Variants in ATP10B observed in about 807,000 individuals in gnomAD.
The protein encoded by ATP10B is ATPase phospholipid transporting 10B (putative), also known as phospholipid-transporting ATPase VB.
In ATP10B, 122 loss-of-function variants were observed where a neutral mutation model predicts 141.2. The ratio of observed to expected loss-of-function variants is 0.86; its 90% CI spans 0.75 to 1.00. The LOEUF (loss-of-function observed/expected upper bound fraction) is 1.00, where lower values mean the gene tolerates loss of function less well. Among genes scored for constraint, ATP10B ranks in the 50% least tolerant of loss-of-function variants. The pLI is 0.00. For missense variants in ATP10B, 1,876 were observed against 1,825.3 expected (o/e 1.03, Z -0.51); for synonymous variants, 685 against 692.0 (o/e 0.99, Z 0.16).
chr5:160,914,562 A>C, the ATP10B span, among the ~76,000 whole-genome samples: 92 of 152,198 alleles, frequency 6.0e-4, no homozygotes, highest in African/African-American at 2.1e-3. Flanking sequence ...TTTTTGTATT[A>C]TTTGTATTGC....
rs376008088 is a variant in ATP10B at position 160,565,524 on chromosome 5, C to T, written c.4315G>A (p.Gly1439Arg). The part of the protein sequence containing the change: ...GPNRIMAYSR[G>R]QTDMCRCSKR... ...GAGCACCGGCACATATCAGTCTGTC[C>T]TCTTGAGTAGGCCATTATCCTGTTA... Residue 1439 changes from glycine to arginine, a missense_variant, in exon 26 of 26, where the codon GGA becomes AGA. Transcript: ENST00000327245. 4 of 1,613,970 alleles carry T rather than the reference C, an allele frequency of 2.5e-6. No individual in the cohort carries two copies. Among genetic ancestry groups the T allele is most frequent in the Non-Finnish European group, 3.4e-6 (4 of 1,179,982 alleles).
At chr5:160,729,492 T>C (rs1224174837) in intron 2 of ATP10B, among the ~76,000 whole-genome samples, 1 of 151,954 alleles carries the variant, frequency 6.6e-6, no homozygotes, top group Non-Finnish European at 1.5e-5. Flanking sequence ...TGTAATGGGG[T>C]AGGGAATTGA....
intron 7 of ATP10B, among the ~76,000 whole-genome samples, chr5:160,662,720 C>T (rs1253841974): frequency 6.6e-6 from 1 of 152,184 alleles, no homozygotes; most frequent in Non-Finnish European, 1.5e-5. Context: ...CATTACCATT[C>T]AGGACATAGG....
At chr5:160,612,128 C>A (rs972484661) in intron 18 of ATP10B, 1 of 152,196 alleles carries the variant, frequency 6.6e-6, no homozygotes, top group African/African-American at 2.4e-5. Context: ...TTGCTTCATT[C>A]TTTCTCTTTC....
chr5:160,666,813 T>C (rs939089246), intron 7 of ATP10B, among the ~76,000 whole-genome samples: 9 of 152,134 alleles, frequency 5.9e-5, no homozygotes, highest in African/African-American at 1.7e-4. Context: ...CCTCTATCTC[T>C]ATGTGGAAAG....
chr5:160,653,565 TTACATA>T (rs1240999864), intron 7 of ATP10B, among the ~76,000 whole-genome samples: 3 of 106,520 alleles, frequency 2.8e-5, no homozygotes, highest in Admixed American at 1.2e-4. Context: ...TACATATATA[TTACATA>T]TACATATATA....
intron 1 of ATP10B, among the ~76,000 whole-genome samples, chr5:160,793,999 CTG>C: frequency 6.6e-6 from 1 of 152,178 alleles, no homozygotes; most frequent in Non-Finnish European, 1.5e-5. Flanking sequence ...TAAGTACACT[CTG>C]TGATGTTAGT....
intron 1 of ATP10B, among the ~76,000 whole-genome samples, chr5:160,831,860 G>T (rs1775103268): frequency 6.6e-6 from 1 of 152,096 alleles, no homozygotes; most frequent in South Asian, 2.1e-4. Flanking sequence ...GAAAACACTG[G>T]TTTGAATAAA....
intron 1 of ATP10B, among the ~76,000 whole-genome samples, chr5:160,828,066 G>A (rs1774766322): frequency 6.6e-6 from 1 of 152,060 alleles, no homozygotes; most frequent in Non-Finnish European, 1.5e-5. Flanking sequence ...AATTCAAGAT[G>A]GATTAAAGAC....
At chr5:160,787,123 CA>C (rs36176181) in intron 1 of ATP10B, among the ~76,000 whole-genome samples, 2 of 115,442 alleles carry the variant, frequency 1.7e-5, no homozygotes, top group Admixed American at 8.3e-5. Flanking sequence ...CACACACACA[CA>C]CACACACACA....
intron 1 of ATP10B, among the ~76,000 whole-genome samples, chr5:160,843,165 G>A (rs1357966777): frequency 3.3e-5 from 5 of 152,062 alleles, no homozygotes; most frequent in African/African-American, 4.8e-5. Flanking sequence ...TGTTAGAAAA[G>A]CAACTAATAT....
intron 2 of ATP10B, among the ~76,000 whole-genome samples, chr5:160,750,557 A>G (rs985634850): frequency 2.0e-5 from 3 of 151,798 alleles, no homozygotes; most frequent in Admixed American, 2.0e-4. Context: ...TGTCTCATCC[A>G]TGACCCACAC....
At chr5:160,773,293 GC>G (rs1289900020) in intron 2 of ATP10B, among the ~76,000 whole-genome samples, 3 of 152,188 alleles carry the variant, frequency 2.0e-5, no homozygotes, top group Non-Finnish European at 2.9e-5. Context: ...TTTTAGACAG[GC>G]TTTGCAATGG....
chr5:160,642,825 G>A (rs557218552), intron 9 of ATP10B, among the ~76,000 whole-genome samples: 1 of 152,286 alleles, frequency 6.6e-6, no homozygotes, highest in South Asian at 2.1e-4. Context: ...CAACCATCCT[G>A]TTCAGGAACA....
chr5:160,853,263 T>G (rs2127994274), upstream of ATP10B, among the ~76,000 whole-genome samples: 1 of 152,274 alleles, frequency 6.6e-6, no homozygotes, highest in South Asian at 2.1e-4. Context: ...CTTAAGTCCC[T>G]GTTCCTTTAC....
intron 2 of ATP10B, among the ~76,000 whole-genome samples, chr5:160,781,124 TAAG>T (rs1287389261): frequency 1.3e-5 from 2 of 152,136 alleles, no homozygotes; most frequent in African/African-American, 2.4e-5. Flanking sequence ...CTCTCGAAAA[TAAG>T]AAGAAATCCA....
intron 2 of ATP10B, 124 bp downstream of exon 2, chr5:160,785,435 T>A (rs1347431998): frequency 3.0e-6 from 1 of 329,502 alleles, no homozygotes; most frequent in African/African-American, 2.4e-5. Context: ...TTTTGTTCTG[T>A]TTTGTTTTGT....
the ATP10B span, among the ~76,000 whole-genome samples, chr5:160,884,040 T>A: frequency 1.3e-5 from 2 of 152,198 alleles, no homozygotes; most frequent in Non-Finnish European, 2.9e-5. Flanking sequence ...GAATTGTACA[T>A]TTTTCTCTAC....
intron 13 of ATP10B, among the ~76,000 whole-genome samples, chr5:160,626,782 T>C (rs1758635077): frequency 6.6e-6 from 1 of 152,226 alleles, no homozygotes; most frequent in African/African-American, 2.4e-5. Context: ...ACAACCCTAC[T>C]GTTTTCATTC....
Sources: gnomAD v4.1 joint callset for allele counts (sites outside exome capture counted in the v4.1 genomes callset) on GRCh38, gnomAD v4.1.1 for gene constraint, MANE v1.5 for transcripts, NCBI Gene and HGNC (gene_info 2026-07-23, HGNC 2026-07-21) for gene names.